Variants in ATF3 observed in about 807,000 individuals in gnomAD.
ATF3 encodes cyclic AMP-dependent transcription factor ATF-3.
Under a neutral mutation model 18.4 loss-of-function variants are expected in ATF3, and 10 were observed. The observed-to-expected ratio is 0.54, with a 90% confidence interval of 0.34 to 0.92. The LOEUF (loss-of-function observed/expected upper bound fraction) is 0.92, where lower values mean the gene tolerates loss of function less well. Ranked by LOEUF, ATF3 falls within the 40% of genes least tolerant of loss-of-function variation. The probability of loss-of-function intolerance (pLI) is 0.02; values close to 1 mark genes in which losing one functional copy is unlikely to be tolerated. For synonymous variants in ATF3, 78 were observed against 87.9 expected (o/e 0.89, Z 0.63); for missense variants, 183 against 222.3 (o/e 0.82, Z 1.12).
At chr1:212,593,495 G>A (rs930278644) in intron 1 of ATF3, among the ~76,000 whole-genome samples, 18 of 152,014 alleles carry the variant, frequency 1.2e-4, no homozygotes, top group Non-Finnish European at 1.5e-5. Context: ...AGCACTTTGA[G>A]AGGCTGAAGT....
intron 1 of ATF3, among the ~76,000 whole-genome samples, 154 bp from the exon 2 acceptor site, chr1:212,614,864 G>A (rs11119988): frequency 0.11 from 16,743 of 152,114 alleles, 1,071 homozygotes; most frequent in Non-Finnish European, 0.15. Flanking sequence ...TTAAGATGAG[G>A]ATGGCATGAA....
At chr1:212,588,647 A>C (rs56369382) in intron 1 of ATF3, among the ~76,000 whole-genome samples, 92,441 of 151,880 alleles carry the variant, frequency 0.61, 28,565 homozygotes, top group Middle Eastern at 0.73. Flanking sequence ...ACAACAACAA[A>C]AAAACAGTCT....
chr1:212,588,079 A>T (rs1255648891), intron 1 of ATF3, among the ~76,000 whole-genome samples: 1 of 151,908 alleles, frequency 6.6e-6, no homozygotes, highest in African/African-American at 2.4e-5. Flanking sequence ...ATTAAGTCTG[A>T]CTCAATTTTG....
In ATF3 at chr1:212,619,650, C is replaced by G; in HGVS notation, c.*95C>G. On this transcript the variant is annotated 3_prime_UTR_variant, in exon 4 of 4. Transcript: ENST00000341491. This position sits in a 1 kb window ranked among gnomAD's most constrained non-coding sequence, Gnocchi z 4.4. ...CATTGGAGAGCTGTCTTCCTGTGTA[C>G]CTCTAGAATCCCAGCAGCAGAGAAC... The G allele has an allele frequency of 6.7e-7, 1 of 1,501,276 alleles. No individual in the cohort carries two copies. The highest frequency in any genetic ancestry group is 1.9e-5 in the Admixed American group (1 of 51,744). 93.0% of individuals were successfully genotyped at this position (1,501,276 alleles called of 1,614,324 possible).
chr1:212,592,390 G>A (rs1021115261), intron 1 of ATF3, among the ~76,000 whole-genome samples: 3 of 151,506 alleles, frequency 2.0e-5, no homozygotes, highest in East Asian at 1.9e-4. Flanking sequence ...TAATATCATC[G>A]AATTAGCTAA....
rs111868203 is a variant in ATF3 at position 212,580,204 on chromosome 1, G to A, written c.-5+14721G>A. 9.0e-3 allele frequency among the ~76,000 whole-genome samples: 1,377 copies of A among 152,168 alleles called. 22 individuals carry two copies. The highest frequency in any genetic ancestry group is 0.032 in the African/African-American group (1,340 of 41,504). On this transcript the variant is annotated intron_variant, in intron 1 of 3. Transcript: ENST00000366981. ...AGTTGTAGAGTTGTTTGTTACTACA[G>A]CATAATTTAAGCTATACTGATGGAT...
rs1655351019 is a variant in ATF3 at position 212,620,669 on chromosome 1, G to A, written c.*1114G>A. ...TGTGAAATTCTCAGAGTGTTTAATT[G>A]TACTCAATGGTATCATTACAATTTT... On this transcript the variant is annotated 3_prime_UTR_variant, in exon 4 of 4. Coordinates refer to ENST00000341491, the MANE Select transcript of ATF3 (RefSeq NM_001674.4). 1 of 152,524 alleles carries A rather than the reference G, an allele frequency of 6.6e-6. No homozygotes were observed. Among genetic ancestry groups the A allele is most frequent in the Non-Finnish European group, 1.5e-5 (1 of 68,034 alleles). 9.4% of individuals were successfully genotyped at this position (152,524 alleles called of 1,614,324 possible).
At chr1:212,617,172 A>C (rs1289681423) in intron 2 of ATF3, among the ~76,000 whole-genome samples, 1 of 152,220 alleles carries the variant, frequency 6.6e-6, no homozygotes, top group Non-Finnish European at 1.5e-5. Flanking sequence ...GCACCCAGAC[A>C]GTAGAGCAAG....
At chr1:212,603,120 G>A (rs56085986) in intron 1 of ATF3, among the ~76,000 whole-genome samples, 3,651 of 152,240 alleles carry the variant, frequency 0.024, 151 homozygotes, top group African/African-American at 0.08. Flanking sequence ...ATCTACACCT[G>A]CTCAGGTGCA....
At position 212,618,197 on chromosome 1, in the gene ATF3, G is replaced by A. The variant is rs769161597; in HGVS notation, c.311G>A (p.Arg104Gln). ...ERNKIAAAKC[R>Q]NKKKEKTECL... ...AATAAGATTGCAGCTGCAAAGTGCC[G>A]AAACAAGAAGAAGGAGAAGACGGAG... Residue 104 changes from arginine (R) to glutamine (Q), a missense_variant, in exon 3 of 4, where the codon CGA becomes CAA. Physicochemically the swap from Arg to Gln is conservative, Grantham distance 43. Coordinates refer to ENST00000341491, the MANE Select transcript of ATF3 (RefSeq NM_001674.4). This position sits in a 1 kb window ranked among gnomAD's most constrained non-coding sequence, Gnocchi z 4.4. The A allele has an allele frequency of 5.6e-6, 9 of 1,614,124 alleles. No individual in the cohort carries two copies. Among genetic ancestry groups the A allele is most frequent in the South Asian group, 3.3e-5 (3 of 91,084 alleles).
intron 1 of ATF3, among the ~76,000 whole-genome samples, chr1:212,575,688 T>C (rs1002556823): frequency 4.6e-5 from 7 of 152,164 alleles, no homozygotes; most frequent in Non-Finnish European, 7.4e-5. Context: ...AAAGTTGCCT[T>C]CTATACCTAG....
chr1:212,587,534 G>T (rs1382056064), intron 1 of ATF3, among the ~76,000 whole-genome samples: 1 of 152,162 alleles, frequency 6.6e-6, no homozygotes, highest in African/African-American at 2.4e-5. Flanking sequence ...CCACAGGCTG[G>T]ACTCAGGGAA....
Position 212,594,423 on chromosome 1 carries a change from C to G in ATF3, c.-4-20595C>G, listed in dbSNP as rs565945965. On this transcript the variant is annotated intron_variant, in intron 1 of 3. Coordinates refer to the ATF3 transcript ENST00000366981. ...TGAAACAAACAAACAAAAAAGAAAA[C>G]AAAAAACCTAACAATTTTCCAGAGT... Among the ~76,000 whole-genome samples, 29 of 152,036 alleles carry G rather than the reference C, an allele frequency of 1.9e-4. No individual in the cohort carries two copies. The South Asian group carries it at 5.8e-3, about 31-fold the overall frequency.
At chr1:212,614,215 G>A in intron 1 of ATF3, 1 of 152,632 alleles carries the variant, frequency 6.6e-6, no homozygotes, top group Non-Finnish European at 1.5e-5. Context: ...GCCAGAGCCA[G>A]CCCCAGGGTT....
intron 1 of ATF3, among the ~76,000 whole-genome samples, chr1:212,592,364 T>A (rs1385580845): frequency 6.6e-6 from 1 of 152,056 alleles, no homozygotes; most frequent in Non-Finnish European, 1.5e-5. Flanking sequence ...ATCTAAAAAA[T>A]TTAATAATAA....
intron 1 of ATF3, among the ~76,000 whole-genome samples, chr1:212,601,658 A>T (rs1654487318): frequency 6.6e-6 from 1 of 152,244 alleles, no homozygotes; most frequent in Non-Finnish European, 1.5e-5. Context: ...GGGTATTTTT[A>T]AAAGTGCTTA....
At chr1:212,586,393 C>T (rs1426070165) in intron 1 of ATF3, among the ~76,000 whole-genome samples, 11 of 152,288 alleles carry the variant, frequency 7.2e-5, no homozygotes, top group Admixed American at 5.2e-4. Flanking sequence ...TAGGACATGG[C>T]ACTTTCTTCC....
chr1:212,595,767 C>T (rs983392776), intron 1 of ATF3, among the ~76,000 whole-genome samples: 1 of 152,198 alleles, frequency 6.6e-6, no homozygotes, highest in Admixed American at 6.5e-5. Flanking sequence ...ACTGACTCAA[C>T]ATTCTTAATA....
At chr1:212,606,719 T>C (rs942978235), upstream of ATF3, among the ~76,000 whole-genome samples, 5 of 152,266 alleles carry the variant, frequency 3.3e-5, no homozygotes, top group Non-Finnish European at 7.3e-5. Context: ...AATGGTGCTA[T>C]TTATTCCAGA....
Sources: allele counts gnomAD v4.1 joint callset (sites outside exome capture counted in the v4.1 genomes callset), GRCh38; gene constraint gnomAD v4.1.1; non-coding constraint Gnocchi (gnomAD v3.1); transcripts MANE v1.5; gene names NCBI Gene and HGNC (gene_info 2026-07-23, HGNC 2026-07-21).